The following DCAF8 variants were observed in gnomAD, a reference collection of about 807,000 sequenced individuals.
DCAF8 encodes DDB1 and CUL4 associated factor 8, also known as DDB1- and CUL4-associated factor 8.
In DCAF8, 20 loss-of-function variants were observed where a neutral mutation model predicts 68.0. That is an observed-to-expected ratio of 0.29 (90% confidence interval 0.21 to 0.43). DCAF8 has a LOEUF of 0.43. Among genes scored for constraint, DCAF8 ranks in the 20% least tolerant of loss-of-function variants. DCAF8 has a pLI of 1.00. For missense variants in DCAF8, 460 were observed against 771.0 expected, an observed-to-expected ratio of 0.60 and a Z score of 4.78; for synonymous variants, 230 against 276.9, an observed-to-expected ratio of 0.83 and a Z score of 1.68.
At position 160,216,909 on chromosome 1, in the gene DCAF8, C is replaced by T. The variant is rs773943463; in HGVS notation, c.*683G>A. 6.6e-6 allele frequency: 1 copy of T among 152,602 alleles called. No individual in the cohort carries two copies. The highest frequency in any genetic ancestry group is 1.5e-5 in the Non-Finnish European group (1 of 68,040). The allele number at this position is 152,602 out of a possible 1,614,324, so 9.5% of individuals were successfully genotyped here. A position where few individuals can be genotyped will look rare whatever the true frequency, so the allele number is the denominator to read the frequency against. On this transcript the variant is annotated 3_prime_UTR_variant, in exon 14 of 14. Transcript: ENST00000368074. ...GCCCCTCCTCCCACCTCTTCCCAGC[C>T]TCCCTCACCTGACCTATTTAGGGGG...
At chr1:160,245,656 T>C (rs912470205) in intron 2 of DCAF8, among the ~76,000 whole-genome samples, 2 of 152,160 alleles carry the variant, frequency 1.3e-5, no homozygotes, top group African/African-American at 4.8e-5. Context: ...AAAACAGATA[T>C]GTGAAGCAAC....
rs540636700 is a variant in DCAF8, at chr1:160,248,165, G to A, written c.-26-4131C>T. 9.4e-4 allele frequency among the ~76,000 whole-genome samples: 143 copies of A among 152,124 alleles called. 1 individual carries two copies. The highest frequency in any genetic ancestry group is 3.4e-3 in the African/African-American group (141 of 41,490). On this transcript the variant is annotated intron_variant, in intron 2 of 13. Transcript: ENST00000368074. ...CTACTAAAAATACAAAAATTAGCCG[G>A]GCGTGGTGGCACATGCCCGTAGTCC...
chr1:160,247,357 TAATAAG>T (rs1656383954), intron 2 of DCAF8, among the ~76,000 whole-genome samples: 1 of 152,210 alleles, frequency 6.6e-6, no homozygotes, highest in Non-Finnish European at 1.5e-5. Flanking sequence ...TTTCTTGTCT[TAATAAG>T]AATAAAGCCT....
chr1:160,255,231 A>G (rs1390943353), intron 2 of DCAF8, among the ~76,000 whole-genome samples: 2 of 152,234 alleles, frequency 1.3e-5, no homozygotes, highest in Non-Finnish European at 1.5e-5. Context: ...CAGTAAGACA[A>G]TCTACCCAGG....
At chr1:160,236,452 A>G (rs538014891) in intron 6 of DCAF8, among the ~76,000 whole-genome samples, 9 of 151,966 alleles carry the variant, frequency 5.9e-5, no homozygotes, top group South Asian at 4.2e-4. Context: ...GTGTGTATAT[A>G]TATATATATC....
In DCAF8 at chr1:160,238,634, C is replaced by G. The variant is rs1252361945; in HGVS notation, c.837G>C (p.Val279=). ...TGTGGGACGCTCCCTTGTGCTGGGC[C>G]ACACGTTTTGTATTCTTGCAACACT... ...ATQCCKNTKR[V]AQHKGASHKL... The change falls in exon 5 of 14, where the codon GTG becomes GTC. Residue 279 remains valine (V), a synonymous_variant. Transcript: ENST00000368074. The G allele has an allele frequency of 6.2e-7, 1 of 1,611,880 alleles. No homozygotes were observed. Among genetic ancestry groups the G allele is most frequent in the Non-Finnish European group, 8.5e-7 (1 of 1,179,224 alleles).
chr1:160,238,975 G>A, intron 4 of DCAF8: 1 of 570,146 alleles, frequency 1.8e-6, no homozygotes, highest in Non-Finnish European at 2.7e-6. Flanking sequence ...AGTTGGCTCT[G>A]GAAGATTGAA....
intron 4 of DCAF8, chr1:160,239,280 T>C: frequency 9.1e-7 from 1 of 1,094,190 alleles, no homozygotes; most frequent in Non-Finnish European, 1.2e-6. Context: ...TAGCTTCTAT[T>C]GTTACTTAAT....
In DCAF8 at chr1:160,255,522, ATAAGGAACTTTGTTCCTTC is replaced by A. The variant is rs1656802588; in HGVS notation, c.-27+5744_-27+5762del. ...ATAATGATGAGGATTCAAACTATGA[ATAAGGAACTTTGTTCCTTC>A]TTTGAATTAATGCCTTCTCTCCCTA... On this transcript the variant is annotated intron_variant, in intron 2 of 13. Transcript: ENST00000368074. Among the ~76,000 whole-genome samples the A allele has an allele frequency of 3.3e-5, 5 of 152,340 alleles. No individual in the cohort carries two copies. The South Asian group carries it at 1.0e-3, about 32-fold the overall frequency.
chr1:160,259,571 C>G (rs1027498952), intron 2 of DCAF8, among the ~76,000 whole-genome samples: 1 of 152,036 alleles, frequency 6.6e-6, no homozygotes, highest in African/African-American at 2.4e-5. Context: ...TCATTCCTAA[C>G]TCCCCAGCCC....
chr1:160,244,235 G>C (rs757612981), intron 2 of DCAF8, among the ~76,000 whole-genome samples: 2 of 152,090 alleles, frequency 1.3e-5, no homozygotes, highest in Non-Finnish European at 2.9e-5. Flanking sequence ...TCCATATAAT[G>C]ATATATTTTT....
At chr1:160,235,794 A>G (rs1461084879) in intron 6 of DCAF8, among the ~76,000 whole-genome samples, 1 of 151,238 alleles carries the variant, frequency 6.6e-6, no homozygotes, top group Non-Finnish European at 1.5e-5. Flanking sequence ...GATGGAGTGC[A>G]GTGGCATGAT....
At chr1:160,243,802 A>C (rs1656214548) in intron 3 of DCAF8, among the ~76,000 whole-genome samples, 158 bp downstream of exon 3, 1 of 152,268 alleles carries the variant, frequency 6.6e-6, no homozygotes, top group Non-Finnish European at 1.5e-5. Context: ...AAAGCATAAT[A>C]TAGTCCAAGG....
At chr1:160,248,451 T>C (rs1389081377) in intron 2 of DCAF8, among the ~76,000 whole-genome samples, 1 of 152,086 alleles carries the variant, frequency 6.6e-6, no homozygotes, top group East Asian at 1.9e-4. Context: ...CGCAACAGGC[T>C]GGGGCTGGGC....
At chr1:160,258,933 C>T (rs931547259) in intron 2 of DCAF8, among the ~76,000 whole-genome samples, 1 of 152,114 alleles carries the variant, frequency 6.6e-6, no homozygotes, top group African/African-American at 2.4e-5. Context: ...TTCCTTCACC[C>T]GACATGGATC....
intron 2 of DCAF8, among the ~76,000 whole-genome samples, chr1:160,258,579 C>G (rs1339347985): frequency 6.6e-6 from 1 of 151,232 alleles, no homozygotes; most frequent in Non-Finnish European, 1.5e-5. Flanking sequence ...TTGAGCCGGG[C>G]AAGTAAGACC....
chr1:160,240,343 A>G lies in DCAF8; in HGVS notation c.77T>C (p.Met26Thr), dbSNP rs1443219783. 6.2e-7 allele frequency: 1 copy of G among 1,613,146 alleles called. No individual in the cohort carries two copies. Among genetic ancestry groups the G allele is most frequent in the Non-Finnish European group, 8.5e-7 (1 of 1,179,920 alleles). The change falls in exon 4 of 14, where the codon ATG becomes ACG. Residue 26 changes from methionine (M) to threonine (T), a missense_variant. Met to Thr is a moderately conservative substitution (Grantham distance 81). Coordinates refer to ENST00000368074, the MANE Select transcript of DCAF8 (RefSeq NM_015726.4). ...CTCCCTCCCCTCTTCAGCTCCAGAC[A>G]TCTCCTCTGGACTGCTAGACAGGCT... ...NGSLSSSPEEMSGAEEGRETS... is the reference protein window; with the variant it reads ...NGSLSSSPEETSGAEEGRETS...
At chr1:160,227,663 G>A (rs1442564312) in intron 7 of DCAF8, among the ~76,000 whole-genome samples, 1 of 152,166 alleles carries the variant, frequency 6.6e-6, no homozygotes, top group Non-Finnish European at 1.5e-5. Context: ...CTGGTAAACT[G>A]GCAAACCATC....
Position 160,222,788 on chromosome 1 carries a change from T to C in DCAF8, c.1310-7A>G. 6.2e-7 allele frequency: 1 copy of C among 1,614,168 alleles called. No homozygotes were observed. Among genetic ancestry groups the C allele is most frequent in the Non-Finnish European group, 8.5e-7 (1 of 1,180,024 alleles). On this transcript the variant is annotated splice_polypyrimidine_tract_variant and splice_region_variant and intron_variant, in intron 10 of 13. Coordinates refer to ENST00000368074, the MANE Select transcript of DCAF8 (RefSeq NM_015726.4). ...TAGAAATTGACGCCTTTTACTGAAATGATAAATGAGGGAAGAAACCACATG... is the reference window on the plus strand; with the variant it reads ...TAGAAATTGACGCCTTTTACTGAAACGATAAATGAGGGAAGAAACCACATG...
Sources: allele counts gnomAD v4.1 joint callset (sites outside exome capture counted in the v4.1 genomes callset), GRCh38; gene constraint gnomAD v4.1.1; transcripts MANE v1.5; gene names NCBI Gene and HGNC (gene_info 2026-07-23, HGNC 2026-07-21).